Variants in ESRRB observed in about 807,000 individuals in gnomAD.
The protein encoded by ESRRB is estrogen related receptor beta, also known as steroid hormone receptor ERR2.
Under a neutral mutation model 46.0 loss-of-function variants are expected in ESRRB, and 16 were observed. That is an observed-to-expected ratio of 0.35 (90% CI 0.24 to 0.53). ESRRB has a LOEUF of 0.53. ESRRB is among the 20% of genes least tolerant of loss of function. The pLI is 0.93. For missense variants in ESRRB, 488 were observed against 607.4 expected, an observed-to-expected ratio of 0.80 and a Z score of 2.07; for synonymous variants, 246 against 259.6, an observed-to-expected ratio of 0.95 and a Z score of 0.50.
At chr14:76,469,078 C>T (rs2140004829) in intron 3 of ESRRB, among the ~76,000 whole-genome samples, 1 of 152,118 alleles carries the variant, frequency 6.6e-6, no homozygotes. Flanking sequence ...TCTTCTTTAC[C>T]AAGGACTTCA....
intron 1 of ESRRB, among the ~76,000 whole-genome samples, chr14:76,317,344 G>GTGTGTC (rs1883814175): frequency 6.6e-6 from 1 of 151,210 alleles, no homozygotes; most frequent in Non-Finnish European, 1.5e-5. Flanking sequence ...GTGTGTGTGT[G>GTGTGTC]TGTGTGTGTG....
intron 1 of ESRRB, among the ~76,000 whole-genome samples, chr14:76,385,027 G>A (rs1885164647): frequency 6.6e-6 from 1 of 152,076 alleles, no homozygotes; most frequent in South Asian, 2.1e-4. Context: ...ATGCTCATCT[G>A]TGCGTTACTT....
chr14:76,484,653 A>G (rs1372808187), intron 5 of ESRRB, among the ~76,000 whole-genome samples: 2 of 151,968 alleles, frequency 1.3e-5, no homozygotes, highest in African/African-American at 2.4e-5. Flanking sequence ...AGACCAGGAG[A>G]CCCTGTCTCC....
At chr14:76,340,109 C>T (rs1322915676) in intron 1 of ESRRB, among the ~76,000 whole-genome samples, 1 of 152,062 alleles carries the variant, frequency 6.6e-6, no homozygotes, top group Non-Finnish European at 1.5e-5. Context: ...GGGTGGGGAG[C>T]CCAGGAGGCC....
chr14:76,427,226 G>A (rs906727005), intron 1 of ESRRB, among the ~76,000 whole-genome samples: 22 of 152,116 alleles, frequency 1.4e-4, no homozygotes, highest in Admixed American at 1.4e-3. Flanking sequence ...AAATCTAATG[G>A]GAGAGACTCA....
At position 76,482,625 on chromosome 14, in the gene ESRRB, T is replaced by G. The variant is rs1225396859; in HGVS notation, c.716T>G (p.Val239Gly). The change falls in exon 5 of 7, where the codon GTG (valine) becomes GGG (glycine). Residue 239 changes from valine to glycine, a missense_variant. Coordinates refer to ENST00000644823, the MANE Select transcript of ESRRB (RefSeq NM_001379180.1). The surrounding 1 kb of genome is among the most constrained non-coding windows in gnomAD (Gnocchi z 4.3). The stretch of plus-strand genomic sequence containing the variant: ...ACCAAGATTGTCTCATACCTACTGG[T>G]GGCTGAGCCGGACAAGCTCTATGCC... ...PLTKIVSYLL[V>G]AEPDKLYAMP... 4 of 1,614,064 alleles carry G rather than the reference T, an allele frequency of 2.5e-6. No individual in the cohort carries two copies. Among genetic ancestry groups the G allele is most frequent in the Non-Finnish European group, 3.4e-6 (4 of 1,180,044 alleles).
At chr14:76,464,007 T>C (rs1833193060) in intron 3 of ESRRB, among the ~76,000 whole-genome samples, 1 of 152,126 alleles carries the variant, frequency 6.6e-6, no homozygotes, top group South Asian at 2.1e-4. Flanking sequence ...CCAGCCGATG[T>C]TTTCAGTTTG....
chr14:76,391,852 T>C (rs1281392605), intron 1 of ESRRB, among the ~76,000 whole-genome samples: 1 of 152,118 alleles, frequency 6.6e-6, no homozygotes, highest in Non-Finnish European at 1.5e-5. Flanking sequence ...TTTTTCTAAT[T>C]CACAACAAGC....
At position 76,331,340 on chromosome 14, in the gene ESRRB, T is replaced by G. The variant is rs181174383; in HGVS notation, c.2+20424T>G. 2.0e-3 allele frequency among the ~76,000 whole-genome samples: 310 copies of G among 152,296 alleles called. 2 individuals are homozygous for G. Among genetic ancestry groups the G allele is most frequent in the African/African-American group, 6.4e-3 (268 of 41,560 alleles). ...TCAAATCCTGGCCCCATCTGTGAAT[T>G]CACCTTTGTGCCTCAGTTTCCTCAT... On this transcript the variant is annotated intron_variant, in intron 1 of 6. Coordinates refer to the ESRRB transcript ENST00000512784.
At chr14:76,455,631 TA>T (rs1888573526) in intron 2 of ESRRB, among the ~76,000 whole-genome samples, 2 of 152,198 alleles carry the variant, frequency 1.3e-5, no homozygotes, top group South Asian at 2.1e-4. Flanking sequence ...TGGGCGTCCT[TA>T]AAAGGTATAG....
At chr14:76,336,050 G>T (rs1171931523) in intron 1 of ESRRB, among the ~76,000 whole-genome samples, 1 of 152,146 alleles carries the variant, frequency 6.6e-6, no homozygotes, top group Admixed American at 6.5e-5. Flanking sequence ...AAACACTCTG[G>T]CCCCAGAGTC....
intron 3 of ESRRB, among the ~76,000 whole-genome samples, chr14:76,468,415 C>G (rs552100423): frequency 1.3e-3 from 177 of 133,570 alleles, no homozygotes; most frequent in African/African-American, 4.6e-3. Context: ...CCACCACCCC[C>G]CAAACACGCA....
chr14:76,475,369 G>GA (rs34977404), intron 3 of ESRRB, among the ~76,000 whole-genome samples: 28,925 of 130,440 alleles, frequency 0.22, 3,053 homozygotes, highest in East Asian at 0.36. Flanking sequence ...ACCTTGCCTC[G>GA]AAAAAAAAAA....
chr14:76,403,098 G>T (rs1172040701), intron 1 of ESRRB, among the ~76,000 whole-genome samples: 2 of 152,206 alleles, frequency 1.3e-5, no homozygotes, highest in Non-Finnish European at 2.9e-5. Context: ...GCCAGAATTT[G>T]TAATTCAGCT....
chr14:76,486,534 A>G (rs983642791), intron 5 of ESRRB, among the ~76,000 whole-genome samples: 1 of 150,606 alleles, frequency 6.6e-6, no homozygotes, highest in Non-Finnish European at 1.5e-5. Context: ...CAGATTATGA[A>G]CTCCACTTGC....
At chr14:76,402,196 A>G (rs566193681) in intron 1 of ESRRB, among the ~76,000 whole-genome samples, 1 of 152,334 alleles carries the variant, frequency 6.6e-6, no homozygotes, top group African/African-American at 2.4e-5. Context: ...TCTCATCCAA[A>G]AACACCCTCA....
chr14:76,491,452 T>C lies in ESRRB; in HGVS notation c.856T>C (p.Ser286Pro). Residue 286 changes from serine to proline, a missense_variant, in exon 6 of 7, where the codon TCA becomes CCA. Transcript: ENST00000644823. ...IGWAKHIPGF[S>P]SLSLGDQMSL... is the part of the protein sequence containing the mutation. Reference sequence around the variant, plus strand: ...TGTGCCCCCTCTTCCTGCAGGCTTCTCAAGCCTCTCCCTGGGGGACCAGAT... The same window carrying C: ...TGTGCCCCCTCTTCCTGCAGGCTTCCCAAGCCTCTCCCTGGGGGACCAGAT... The C allele has an allele frequency of 6.2e-7, 1 of 1,606,856 alleles. No homozygotes were observed. Among genetic ancestry groups the C allele is most frequent in the Admixed American group, 1.7e-5 (1 of 59,006 alleles).
At chr14:76,317,062 G>A (rs1021016750) in intron 1 of ESRRB, among the ~76,000 whole-genome samples, 1 of 152,166 alleles carries the variant, frequency 6.6e-6, no homozygotes, top group African/African-American at 2.4e-5. Context: ...GCTTCCATTA[G>A]CACAGACAAG....
chr14:76,441,432 G>A (rs117978912), intron 2 of ESRRB, among the ~76,000 whole-genome samples: 2,826 of 152,256 alleles, frequency 0.019, 32 homozygotes, highest in Non-Finnish European at 0.03. Context: ...CAAATTCATG[G>A]CAGAGAGAGA....
Sources: allele counts gnomAD v4.1 joint callset (sites outside exome capture counted in the v4.1 genomes callset), GRCh38; gene constraint gnomAD v4.1.1; non-coding constraint Gnocchi (gnomAD v3.1); transcripts MANE v1.5; gene names NCBI Gene and HGNC (gene_info 2026-07-23, HGNC 2026-07-21).